Variants in ASPH observed in about 807,000 individuals in gnomAD.
ASPH encodes the protein aspartyl/asparaginyl beta-hydroxylase.
A neutral mutation model predicts 118.4 loss-of-function variants in ASPH; 100 were observed. The observed-to-expected ratio is 0.84, with a 90% CI of 0.72 to 1.00. ASPH has a LOEUF of 1.00. Among genes scored for constraint, ASPH ranks in the 50% least tolerant of loss-of-function variants. The probability of loss-of-function intolerance (pLI) is 0.00; values close to 1 mark genes in which losing one functional copy is unlikely to be tolerated. For missense variants in ASPH, 920 were observed against 919.5 expected, an observed-to-expected ratio of 1.00 and a Z score of -0.01; for synonymous variants, 315 against 325.6, an observed-to-expected ratio of 0.97 and a Z score of 0.35.
At chr8:61,677,281 G>T (rs979710952) in intron 3 of ASPH, among the ~76,000 whole-genome samples, 1 of 152,096 alleles carries the variant, frequency 6.6e-6, no homozygotes, top group Non-Finnish European at 1.5e-5. Context: ...CTGGCTCTGG[G>T]TAGCAAAGGT....
intron 15 of ASPH, among the ~76,000 whole-genome samples, chr8:61,580,059 G>A (rs1399672836): frequency 6.6e-6 from 1 of 152,128 alleles, no homozygotes; most frequent in Non-Finnish European, 1.5e-5. Flanking sequence ...TCCAGGTCAT[G>A]CTGATACAAG....
intron 21 of ASPH, among the ~76,000 whole-genome samples, chr8:61,545,926 C>T (rs931492078): frequency 8.5e-5 from 13 of 152,136 alleles, no homozygotes; most frequent in African/African-American, 3.1e-4. Flanking sequence ...ATTACTGGTC[C>T]TTAGATGATA....
chr8:61,561,136 G>GAGGAAGGAAGGA (rs1281594164), intron 18 of ASPH, among the ~76,000 whole-genome samples: 8 of 82,882 alleles, frequency 9.7e-5, no homozygotes, highest in African/African-American at 6.9e-4. Context: ...GGGAGGGAGG[G>GAGGAAGGAAGGA]AGGAAGGAAG....
At chr8:61,609,145 G>A (rs1327619444) in intron 14 of ASPH, among the ~76,000 whole-genome samples, 1 of 152,194 alleles carries the variant, frequency 6.6e-6, no homozygotes, top group Non-Finnish European at 1.5e-5. Flanking sequence ...CTCATGCCCT[G>A]CTACCTTCAT....
At chr8:61,631,887 T>A (rs983634030) in intron 13 of ASPH, 1 of 153,504 alleles carries the variant, frequency 6.5e-6, no homozygotes, top group East Asian at 1.9e-4. Flanking sequence ...AGCATGCAGC[T>A]TTGGGAGGGA....
At chr8:61,560,095 G>C (rs1829282335) in intron 18 of ASPH, among the ~76,000 whole-genome samples, 1 of 152,198 alleles carries the variant, frequency 6.6e-6, no homozygotes, top group Non-Finnish European at 1.5e-5. Flanking sequence ...AACTTCATGT[G>C]GGCACATTCT....
chr8:61,636,430 T>C (rs1857770577), intron 12 of ASPH, among the ~76,000 whole-genome samples: 1 of 152,154 alleles, frequency 6.6e-6, no homozygotes. Flanking sequence ...GGAATCCAAG[T>C]ATATATTGAT....
At chr8:61,626,336 A>G in intron 13 of ASPH, 1 of 1,425,216 alleles carries the variant, frequency 7.0e-7, no homozygotes, top group Non-Finnish European at 9.2e-7. Flanking sequence ...AGACTGTGAA[A>G]CTGCTTCATT....
intron 10 of ASPH, 60 bp downstream of exon 10, chr8:61,642,828 A>G: frequency 7.2e-7 from 1 of 1,391,978 alleles, no homozygotes; most frequent in Non-Finnish European, 9.6e-7. Context: ...CTGGGCAACA[A>G]GAGCGAAACT....
intron 23 of ASPH, 43 bp from the exon 24 acceptor site, chr8:61,517,704 T>A (rs1175300727): frequency 6.3e-7 from 1 of 1,597,378 alleles, no homozygotes; most frequent in South Asian, 1.1e-5. Flanking sequence ...TTTATCAAGG[T>A]GTGGAGGAAC....
intron 14 of ASPH, among the ~76,000 whole-genome samples, chr8:61,601,913 C>T (rs1321721536): frequency 6.6e-6 from 1 of 151,302 alleles, no homozygotes; most frequent in Non-Finnish European, 1.5e-5. Context: ...ACAAACTACC[C>T]AAGGTTACTT....
At chr8:61,625,122 T>A (rs1685538945) in intron 13 of ASPH, 1 of 985,616 alleles carries the variant, frequency 1.0e-6, no homozygotes, top group African/African-American at 1.7e-5. Flanking sequence ...GCTTTGCTTA[T>A]AGTTGCTCAT....
rs959200464 is a variant in ASPH at position 61,559,594 on chromosome 8, T to G, written c.1437+3150A>C. 5.3e-5 allele frequency among the ~76,000 whole-genome samples: 8 copies of G among 152,210 alleles called. No individual in the cohort carries two copies. The East Asian group carries it at 1.5e-3, about 29-fold the overall frequency. ...ATTCCTGGGATTTTAAAAAGTTATA[T>G]AATCATAAAATCATAAATATTAATT... On this transcript the variant is annotated intron_variant, in intron 18 of 24. Transcript: ENST00000379454.
At chr8:61,662,766 G>C (rs998562491) in intron 3 of ASPH, 2 of 795,286 alleles carry the variant, frequency 2.5e-6, no homozygotes, top group African/African-American at 1.9e-5. Flanking sequence ...TTTAGTTGAG[G>C]TGTTTCAATT....
intron 14 of ASPH, 52 bp from the exon 15 acceptor site, chr8:61,584,081 T>A: frequency 8.6e-7 from 1 of 1,162,876 alleles, no homozygotes; most frequent in Non-Finnish European, 1.2e-6. Flanking sequence ...TAGAAATAGT[T>A]ATTAAGCATA....
chr8:61,703,091 A>G (rs1835677799), intron 1 of ASPH, among the ~76,000 whole-genome samples: 1 of 152,256 alleles, frequency 6.6e-6, no homozygotes, highest in Non-Finnish European at 1.5e-5. Context: ...TGGGACTTTG[A>G]GTGAGAAAAA....
intron 24 of ASPH, among the ~76,000 whole-genome samples, chr8:61,514,141 G>A (rs889384530): frequency 5.2e-4 from 79 of 151,956 alleles, no homozygotes; most frequent in African/African-American, 1.8e-3. Flanking sequence ...TGCCCAACAT[G>A]CATCTTAAGC....
chr8:61,507,458 T>C, intron 24 of ASPH, among the ~76,000 whole-genome samples: 1 of 152,306 alleles, frequency 6.6e-6, no homozygotes, highest in Middle Eastern at 3.4e-3. Flanking sequence ...AATAACATAA[T>C]GTAGATTTTT....
chr8:61,542,796 A>T (rs1053370553), intron 21 of ASPH, among the ~76,000 whole-genome samples: 2 of 152,112 alleles, frequency 1.3e-5, no homozygotes, highest in Admixed American at 1.3e-4. Flanking sequence ...ATTGGCTAGC[A>T]TTAACTTCTC....
Sources: gnomAD v4.1 joint callset for allele counts (sites outside exome capture counted in the v4.1 genomes callset) on GRCh38, gnomAD v4.1.1 for gene constraint, MANE v1.5 for transcripts, NCBI Gene and HGNC (gene_info 2026-07-23, HGNC 2026-07-21) for gene names.